Variants in ATXN1 observed in about 807,000 individuals in gnomAD.
ATXN1 encodes ataxin 1.
ATXN1 carries 8 observed loss-of-function variants against 56.4 expected under a neutral mutation model. That is an observed-to-expected ratio of 0.14 (90% CI 0.08 to 0.26). ATXN1 has a LOEUF of 0.26. Ranked by LOEUF, ATXN1 falls within the 10% of genes least tolerant of loss-of-function variation. The probability of loss-of-function intolerance (pLI) is 1.00; values close to 1 mark genes in which losing one functional copy is unlikely to be tolerated. For synonymous variants in ATXN1, 514 were observed against 494.6 expected (o/e 1.04, Z -0.52); for missense variants, 987 against 1,106.5 (o/e 0.89, Z 1.53).
intron 2 of ATXN1, among the ~76,000 whole-genome samples, chr6:16,730,443 T>C (rs900712878): frequency 6.9e-6 from 1 of 145,884 alleles, no homozygotes; most frequent in African/African-American, 2.5e-5. Context: ...GGGAAAAAGA[T>C]GTGTGAACGC....
chr6:16,590,302 G>A (rs1429600817), intron 3 of ATXN1, among the ~76,000 whole-genome samples: 10 of 152,056 alleles, frequency 6.6e-5, no homozygotes, highest in Admixed American at 6.5e-4. Flanking sequence ...GGAAAATACA[G>A]GCAAGACTAT....
At chr6:16,396,103 T>TATC (rs1758453683) in intron 6 of ATXN1, among the ~76,000 whole-genome samples, 1 of 151,732 alleles carries the variant, frequency 6.6e-6, no homozygotes, top group Non-Finnish European at 1.5e-5. Context: ...AAGGCATTGT[T>TATC]ATCATCGCAG....
At chr6:16,507,957 G>A (rs958195580) in intron 5 of ATXN1, among the ~76,000 whole-genome samples, 1 of 152,194 alleles carries the variant, frequency 6.6e-6, no homozygotes, top group African/African-American at 2.4e-5. Context: ...CAGGAAGAAT[G>A]AAGAAAAACA....
intron 3 of ATXN1, among the ~76,000 whole-genome samples, chr6:16,637,989 C>T (rs1198465477): frequency 6.6e-6 from 1 of 152,166 alleles, no homozygotes; most frequent in Admixed American, 6.5e-5. Flanking sequence ...TGGAATTTCA[C>T]ATACTAGTAT....
chr6:16,645,875 C>T (rs886130606), intron 3 of ATXN1, among the ~76,000 whole-genome samples: 8 of 152,148 alleles, frequency 5.3e-5, no homozygotes, highest in African/African-American at 1.7e-4. Context: ...GGAGTATTCA[C>T]CATACTGACA....
Position 16,326,615 on chromosome 6 carries a change from C to A in ATXN1, c.1696G>T (p.Ala566Ser). 1 of 1,614,080 alleles carries A rather than the reference C, an allele frequency of 6.2e-7. No homozygotes were observed. Residue 566 changes from alanine (A) to serine (S), a missense_variant, in exon 7 of 8, where the codon GCT (alanine) becomes TCT (serine). Coordinates refer to ENST00000436367, the MANE Select transcript of ATXN1 (RefSeq NM_001128164.2). This position sits in a 1 kb window ranked among gnomAD's most constrained non-coding sequence, Gnocchi z 6.6. ...AAGTAGGGAGGCAGCGTAGGGGGAG[C>A]CGCCGCCGGGGAGGCCACGGACTGC... ...VVQSVASPAAAPPTLPPYFMK... is the reference protein window; with the variant it reads ...VVQSVASPAASPPTLPPYFMK...
At chr6:16,452,095 T>C (rs1263475890) in intron 6 of ATXN1, among the ~76,000 whole-genome samples, 9 of 152,180 alleles carry the variant, frequency 5.9e-5, no homozygotes, top group Non-Finnish European at 1.5e-5. Flanking sequence ...ACAAGACAGA[T>C]GCCTACTATA....
At chr6:16,382,663 T>A (rs1300706309) in intron 6 of ATXN1, among the ~76,000 whole-genome samples, 1 of 152,086 alleles carries the variant, frequency 6.6e-6, no homozygotes. Context: ...ATGCTGACTT[T>A]CAACGTCTGT....
intron 1 of ATXN1, among the ~76,000 whole-genome samples, chr6:16,759,287 T>C (rs1026679987): frequency 2.0e-5 from 3 of 152,270 alleles, no homozygotes; most frequent in South Asian, 2.1e-4. Flanking sequence ...TTCCCGTGCA[T>C]GCACGACAGG....
intron 2 of ATXN1, among the ~76,000 whole-genome samples, chr6:16,752,502 G>T (rs144802499): frequency 6.6e-6 from 1 of 152,154 alleles, no homozygotes; most frequent in African/African-American, 2.4e-5. Flanking sequence ...TTTCAAGCAG[G>T]TCCATTTCCA....
chr6:16,349,674 G>A (rs989374946), intron 6 of ATXN1, among the ~76,000 whole-genome samples: 4 of 152,088 alleles, frequency 2.6e-5, no homozygotes, highest in Admixed American at 6.5e-5. Flanking sequence ...AAGTCTTACC[G>A]GTTCAGAAAG....
chr6:16,469,590 C>CAG (rs1292681864), intron 6 of ATXN1, among the ~76,000 whole-genome samples: 3 of 152,178 alleles, frequency 2.0e-5, no homozygotes, highest in Admixed American at 6.5e-5. Flanking sequence ...AGTCTACCTA[C>CAG]AGTTCTATCA....
chr6:16,342,282 C>T (rs1224278306), intron 6 of ATXN1, among the ~76,000 whole-genome samples: 2 of 151,816 alleles, frequency 1.3e-5, no homozygotes, highest in Non-Finnish European at 2.9e-5. Context: ...AAATTATATG[C>T]TATGTCCACA....
At position 16,306,797 on chromosome 6, in the gene ATXN1, G is replaced by A; in HGVS notation, c.1980C>T (p.Cys660=). The A allele has an allele frequency of 6.2e-7, 1 of 1,613,990 alleles. No homozygotes were observed. The highest frequency in any genetic ancestry group is 8.5e-7 in the Non-Finnish European group (1 of 1,180,018). Residue 660 remains cysteine (C), a synonymous_variant, in exon 8 of 8, where the codon TGC becomes TGT. Coordinates refer to ENST00000436367, the MANE Select transcript of ATXN1 (RefSeq NM_001128164.2). The surrounding 1 kb of genome is among the most constrained non-coding windows in gnomAD (Gnocchi z 5.2). ...AGAGCTGGCTGGTTCTCTCCGGACAGCAGGATGACCAGCCCTGTCCAAACA... is the reference window on the plus strand; with the variant it reads ...AGAGCTGGCTGGTTCTCTCCGGACAACAGGATGACCAGCCCTGTCCAAACA... ...FFVFGQGWSS[C]CPERTSQLFD... is the part of the protein sequence containing the mutation.
At chr6:16,574,074 T>C (rs2113753361) in intron 4 of ATXN1, among the ~76,000 whole-genome samples, 1 of 152,368 alleles carries the variant, frequency 6.6e-6, no homozygotes, top group African/African-American at 2.4e-5. Flanking sequence ...TCACCCAGGC[T>C]GGAGTGCAGT....
intron 6 of ATXN1, among the ~76,000 whole-genome samples, chr6:16,464,649 C>T (rs1030902692): frequency 2.0e-5 from 3 of 151,782 alleles, no homozygotes; most frequent in African/African-American, 7.3e-5. Context: ...GAAACTTACA[C>T]GCATATTGCC....
intron 6 of ATXN1, among the ~76,000 whole-genome samples, chr6:16,375,564 C>A (rs1762126727): frequency 6.6e-6 from 1 of 152,208 alleles, no homozygotes; most frequent in Non-Finnish European, 1.5e-5. Flanking sequence ...CTAGATGGAA[C>A]CCTTTATTAA....
chr6:16,679,506 G>A (rs1314283801), intron 2 of ATXN1, among the ~76,000 whole-genome samples: 1 of 152,166 alleles, frequency 6.6e-6, no homozygotes, highest in African/African-American at 2.4e-5. Flanking sequence ...TTTTTATGTG[G>A]GCGGTTAAGT....
intron 2 of ATXN1, among the ~76,000 whole-genome samples, chr6:16,725,231 A>T (rs1469578250): frequency 2.0e-5 from 3 of 152,202 alleles, no homozygotes; most frequent in Non-Finnish European, 2.9e-5. Flanking sequence ...GAGCCTTCTT[A>T]AGTACGAGAG....
Sources: allele counts gnomAD v4.1 joint callset (sites outside exome capture counted in the v4.1 genomes callset), GRCh38; gene constraint gnomAD v4.1.1; non-coding constraint Gnocchi (gnomAD v3.1); transcripts MANE v1.5; gene names NCBI Gene and HGNC (gene_info 2026-07-23, HGNC 2026-07-21).